ARHGEF10L: variants seen among roughly 807,000 people sequenced by gnomAD.
The protein encoded by ARHGEF10L is rho guanine nucleotide exchange factor 10-like protein.
In ARHGEF10L, 69 loss-of-function variants were observed where a neutral mutation model predicts 141.2. The ratio of observed to expected loss-of-function variants is 0.49; its 90% CI spans 0.40 to 0.60. The LOEUF is 0.60. ARHGEF10L is among the 20% of genes least tolerant of loss of function. The pLI is 0.00. For synonymous variants in ARHGEF10L, 711 were observed against 718.5 expected (o/e 0.99, Z 0.17); for missense variants, 1,482 against 1,734.3 (o/e 0.85, Z 2.58).
chr1:17,697,534 A>C lies in ARHGEF10L; in HGVS notation c.*154A>C, dbSNP rs1161854879. ...AAAGGAAAACCTCTTGTTTTAAAAA[A>C]ATTTTTTTCAGAGTGTTTTGGGGAG... On this transcript the variant is annotated 3_prime_UTR_variant, in exon 29 of 29. Coordinates refer to ENST00000361221, the MANE Select transcript of ARHGEF10L (RefSeq NM_018125.4). This position sits in a 1 kb window ranked among gnomAD's most constrained non-coding sequence, Gnocchi z 4.8. 2.7e-6 allele frequency: 3 copies of C among 1,111,814 alleles called. No individual in the cohort carries two copies. Among genetic ancestry groups the C allele is most frequent in the Non-Finnish European group, 3.8e-6 (3 of 791,798 alleles). 68.9% of individuals were successfully genotyped at this position (1,111,814 alleles called of 1,614,324 possible).
intron 1 of ARHGEF10L, among the ~76,000 whole-genome samples, chr1:17,579,342 T>C (rs146634588): frequency 1.3e-3 from 199 of 152,284 alleles, no homozygotes; most frequent in African/African-American, 4.5e-3. Flanking sequence ...TTTCATTGTC[T>C]ACCTGTTGTA....
At chr1:17,525,560 G>A in the ARHGEF10L span, among the ~76,000 whole-genome samples, 2 of 152,198 alleles carry the variant, frequency 1.3e-5, no homozygotes, top group African/African-American at 4.8e-5. Context: ...TCAGGAGGCT[G>A]AGATGGAAGG....
At chr1:17,614,464 T>G (rs1284469417) in intron 8 of ARHGEF10L, among the ~76,000 whole-genome samples, 1 of 151,972 alleles carries the variant, frequency 6.6e-6, no homozygotes, top group East Asian at 1.9e-4. Flanking sequence ...CCCAGGAAAA[T>G]GCCAAGAGAA....
rs934579598 is a variant in ARHGEF10L at position 17,623,495 on chromosome 1, G to T, written c.1200+320G>T. On this transcript the variant is annotated intron_variant, in intron 12 of 28. Coordinates refer to ENST00000361221, the MANE Select transcript of ARHGEF10L (RefSeq NM_018125.4). This position sits in a 1 kb window ranked among gnomAD's most constrained non-coding sequence, Gnocchi z 4.7. The stretch of plus-strand genomic sequence containing the variant: ...CTGGCCGGTCACAAGCTCTCTTACC[G>T]AGCACTTGAGGGGTTTCAAGCCAGT... 6.6e-6 allele frequency among the ~76,000 whole-genome samples: 1 copy of T among 152,116 alleles called. No homozygotes were observed. The highest frequency in any genetic ancestry group is 1.5e-5 in the Non-Finnish European group (1 of 68,034).
intron 4 of ARHGEF10L, among the ~76,000 whole-genome samples, chr1:17,595,111 T>A (rs1198125794): frequency 6.6e-6 from 1 of 152,080 alleles, no homozygotes; most frequent in Non-Finnish European, 1.5e-5. Flanking sequence ...CAACTTTTAA[T>A]CCTACCATGA....
upstream of ARHGEF10L, among the ~76,000 whole-genome samples, chr1:17,534,850 A>T (rs1329700142): frequency 6.6e-6 from 1 of 151,668 alleles, no homozygotes; most frequent in Non-Finnish European, 1.5e-5. Flanking sequence ...TGGCATCCTA[A>T]AGTGCTGAGA....
At chr1:17,649,875 A>C (rs191426555) in intron 22 of ARHGEF10L, among the ~76,000 whole-genome samples, 9 of 152,320 alleles carry the variant, frequency 5.9e-5, no homozygotes, top group Middle Eastern at 3.4e-3. Flanking sequence ...CAGAGGGTGC[A>C]GCAGAAACAG....
chr1:17,690,815 A>G (rs1306498755), intron 27 of ARHGEF10L, among the ~76,000 whole-genome samples: 2 of 152,190 alleles, frequency 1.3e-5, no homozygotes, highest in Non-Finnish European at 2.9e-5. Flanking sequence ...TGGGGACCAG[A>G]GCGTGGGGGG....
At chr1:17,538,628 G>A (rs555756769), upstream of ARHGEF10L, among the ~76,000 whole-genome samples, 2 of 151,878 alleles carry the variant, frequency 1.3e-5, no homozygotes, top group Non-Finnish European at 2.9e-5. Flanking sequence ...GCGGGGCTGG[G>A]GTCTGTCTGG....
chr1:17,569,616 G>C (rs181518975), intron 1 of ARHGEF10L, among the ~76,000 whole-genome samples: 1 of 152,182 alleles, frequency 6.6e-6, no homozygotes, highest in African/African-American at 2.4e-5. Context: ...AGCCAGATGG[G>C]ACCCTGTGGG....
At position 17,566,184 on chromosome 1, in the gene ARHGEF10L, T is replaced by C. The variant is rs184193082; in HGVS notation, c.-43-14369T>C. Among the ~76,000 whole-genome samples the C allele has an allele frequency of 2.6e-5, 4 of 152,298 alleles. No homozygotes were observed. In the East Asian group the frequency reaches 5.8e-4, roughly 22 times the overall value. ...ATCCGGGTTTCCCAACCTCGATCCA[T>C]TGACATTTGGGCTGGATCATTCTTT... On this transcript the variant is annotated intron_variant, in intron 1 of 28. Coordinates refer to ENST00000361221, the MANE Select transcript of ARHGEF10L (RefSeq NM_018125.4).
At chr1:17,687,467 T>G in intron 26 of ARHGEF10L, 106 bp from the exon 27 acceptor site, 224 of 1,289,312 alleles carry the variant, frequency 1.7e-4, no homozygotes, top group East Asian at 4.4e-4. Flanking sequence ...CTGAGTAGCT[T>G]GAGCTTTTGA....
chr1:17,519,252 C>T, the ARHGEF10L span, among the ~76,000 whole-genome samples: 642 of 151,746 alleles, frequency 4.2e-3, 9 homozygotes, highest in African/African-American at 0.015. Flanking sequence ...TTTCCCTACA[C>T]AGTCTCATTT....
At chr1:17,675,112 C>T (rs1466570963) in intron 26 of ARHGEF10L, among the ~76,000 whole-genome samples, 1 of 152,222 alleles carries the variant, frequency 6.6e-6, no homozygotes. Flanking sequence ...CTCCCACTCC[C>T]CCTCCCCAGC....
Position 17,619,095 on chromosome 1 carries a change from C to T in ARHGEF10L, c.836-244C>T, listed in dbSNP as rs1006299359. Among the ~76,000 whole-genome samples the T allele has an allele frequency of 2.0e-5, 3 of 152,160 alleles. No individual in the cohort carries two copies. In the East Asian group the frequency reaches 5.8e-4, roughly 29 times the overall value. ...CACAGGACGCAGCTTTGATTTCTGC[C>T]TGTTCACCCTCTCGCTCACTTGCTC... On this transcript the variant is annotated intron_variant, in intron 9 of 28. Transcript: ENST00000361221. The surrounding 1 kb of genome is among the most constrained non-coding windows in gnomAD (Gnocchi z 5.0).
At chr1:17,659,309 G>A (rs997360436) in intron 25 of ARHGEF10L, among the ~76,000 whole-genome samples, 15 of 152,164 alleles carry the variant, frequency 9.9e-5, no homozygotes, top group South Asian at 2.1e-4. Context: ...CTCCCCACCC[G>A]TACCCAGTGG....
intron 1 of ARHGEF10L, among the ~76,000 whole-genome samples, chr1:17,543,738 C>A (rs1364653379): frequency 6.6e-6 from 1 of 151,938 alleles, no homozygotes; most frequent in African/African-American, 2.4e-5. Flanking sequence ...ACCACCGCCC[C>A]CTGGTTTCAA....
At chr1:17,676,013 GATGCAGGTAT>G (rs2063671243) in intron 26 of ARHGEF10L, among the ~76,000 whole-genome samples, 1 of 142,140 alleles carries the variant, frequency 7.0e-6, no homozygotes, top group African/African-American at 2.6e-5. Flanking sequence ...TGCAGGTGTG[GATGCAGGTAT>G]GTGTGCAGGT....
At chr1:17,675,719 TGTGCAGGTGTGG>T (rs1427728592) in intron 26 of ARHGEF10L, among the ~76,000 whole-genome samples, 1 of 125,202 alleles carries the variant, frequency 8.0e-6, no homozygotes, top group East Asian at 2.8e-4. Flanking sequence ...TGCAGGCCTG[TGTGCAGGTGTGG>T]GTGCAGGTGT....
Sources: allele counts gnomAD v4.1 joint callset (sites outside exome capture counted in the v4.1 genomes callset), GRCh38; gene constraint gnomAD v4.1.1; non-coding constraint Gnocchi (gnomAD v3.1); transcripts MANE v1.5; gene names NCBI Gene and HGNC (gene_info 2026-07-23, HGNC 2026-07-21).